SLIT2: variants seen among roughly 807,000 people sequenced by gnomAD.
The protein encoded by SLIT2 is slit homolog 2 protein.
Under a neutral mutation model 185.7 loss-of-function variants are expected in SLIT2, and 41 were observed. The observed-to-expected ratio is 0.22, with a 90% CI of 0.17 to 0.29. The LOEUF (loss-of-function observed/expected upper bound fraction) is 0.29. Ranked by LOEUF, SLIT2 falls within the 10% of genes least tolerant of loss-of-function variation. The probability of loss-of-function intolerance (pLI) is 1.00; values close to 1 mark genes in which losing one functional copy is unlikely to be tolerated. For missense variants in SLIT2, 1,571 were observed against 1,909.0 expected (o/e 0.82, Z 3.30); for synonymous variants, 693 against 680.2 (o/e 1.02, Z -0.29).
At chr4:20,425,990 G>T (rs1728531610) in intron 4 of SLIT2, among the ~76,000 whole-genome samples, 1 of 152,152 alleles carries the variant, frequency 6.6e-6, no homozygotes, top group Admixed American at 6.5e-5. Flanking sequence ...TGTCACCTTA[G>T]GAGCTTCTCT....
chr4:20,385,059 C>G lies in SLIT2; in HGVS notation c.396-82693C>G, dbSNP rs76365343. ...TGACGATCTCTTCTTGGGTATCTTA[C>G]AGTCTTAACTCACTGAGACTAGATT... On this transcript the variant is annotated intron_variant, in intron 4 of 36. Transcript: ENST00000504154. 9.3e-4 allele frequency among the ~76,000 whole-genome samples: 141 copies of G among 152,226 alleles called. 1 individual carries two copies. Among genetic ancestry groups the G allele is most frequent in the African/African-American group, 3.2e-3 (131 of 41,544 alleles).
At chr4:20,283,186 G>T (rs142279605) in intron 4 of SLIT2, among the ~76,000 whole-genome samples, 1 of 151,686 alleles carries the variant, frequency 6.6e-6, no homozygotes, top group African/African-American at 2.4e-5. Context: ...ACATTTTATA[G>T]CTTAACTGTC....
At chr4:20,304,042 T>C (rs559514431) in intron 4 of SLIT2, among the ~76,000 whole-genome samples, 1 of 152,312 alleles carries the variant, frequency 6.6e-6, no homozygotes, top group African/African-American at 2.4e-5. Flanking sequence ...GAAACATAAT[T>C]ACCATTTTGA....
intron 5 of SLIT2, among the ~76,000 whole-genome samples, chr4:20,472,292 A>ATATATCTATATATC (rs1560452881): frequency 0.013 from 397 of 30,862 alleles, 29 homozygotes; most frequent in Non-Finnish European, 0.015. Context: ...ATATAGATAT[A>ATATATCTATATATC]TAGATATATA....
At chr4:20,544,552 T>C (rs1723089096) in intron 21 of SLIT2, among the ~76,000 whole-genome samples, 1 of 152,144 alleles carries the variant, frequency 6.6e-6, no homozygotes, top group South Asian at 2.1e-4. Context: ...CTTATCTGTT[T>C]TGAATTCAAG....
intron 4 of SLIT2, among the ~76,000 whole-genome samples, chr4:20,384,632 A>G (rs563352760): frequency 6.6e-6 from 1 of 152,286 alleles, no homozygotes; most frequent in Admixed American, 6.5e-5. Context: ...TAAATGGATT[A>G]AAGCAAACCA....
chr4:20,362,291 G>A (rs1396749649), intron 4 of SLIT2, among the ~76,000 whole-genome samples: 3 of 152,118 alleles, frequency 2.0e-5, no homozygotes, highest in Non-Finnish European at 4.4e-5. Flanking sequence ...AGCACAGGGT[G>A]GGTGAAGGCA....
rs569303745 is a variant in SLIT2 at position 20,336,917 on chromosome 4, A to C, written c.395+68036A>C. On this transcript the variant is annotated intron_variant, in intron 4 of 36. Coordinates refer to ENST00000504154, the MANE Select transcript of SLIT2 (RefSeq NM_004787.4). ...GTGGGAATTCCACATGATTTTCTAA[A>C]CATTTTTAGTGCCTGATAAAATTTT... Among the ~76,000 whole-genome samples, 8 of 152,292 alleles carry C rather than the reference A, an allele frequency of 5.3e-5. 1 individual carries two copies. The highest frequency in any genetic ancestry group is 1.9e-4 in the African/African-American group (8 of 41,576).
chr4:20,396,416 A>G (rs774267040), intron 4 of SLIT2, among the ~76,000 whole-genome samples: 2 of 151,804 alleles, frequency 1.3e-5, no homozygotes, highest in Non-Finnish European at 2.9e-5. Flanking sequence ...CTGAATTGCC[A>G]TGCTGTCTAC....
At position 20,467,776 on chromosome 4, in the gene SLIT2, G is replaced by A. The variant is rs1417438406; in HGVS notation, c.420G>A (p.Gln140=). 1 of 1,598,292 alleles carries A rather than the reference G, an allele frequency of 6.3e-7. No individual in the cohort carries two copies. The change falls in exon 5 of 37, where the codon CAG becomes CAA. Residue 140 remains glutamine, a synonymous_variant. Transcript: ENST00000504154. ...YRLDLSENQI[Q]AIPRKAFRGA... The stretch of plus-strand genomic sequence containing the variant: ...GTGATCTCAGTGAAAACCAAATTCA[G>A]GCAATCCCAAGGAAAGCTTTCCGTG...
At chr4:20,613,669 C>T (rs922625764) in intron 34 of SLIT2, among the ~76,000 whole-genome samples, 1 of 152,000 alleles carries the variant, frequency 6.6e-6, no homozygotes, top group South Asian at 2.1e-4. Flanking sequence ...GGGAGTGTAA[C>T]CCTCATATAC....
chr4:20,472,389 G>GATATCTATATATCTATATATATAT (rs1560453761), intron 5 of SLIT2, among the ~76,000 whole-genome samples: 1 of 9,326 alleles, frequency 1.1e-4, no homozygotes, highest in Non-Finnish European at 1.8e-4. Flanking sequence ...TATATATGTA[G>GATATCTATATATCTATATATATAT]ATATATAGAT....
rs533689993 is a variant in SLIT2 at position 20,418,321 on chromosome 4, G to A, written c.396-49431G>A. ...AGACAAGGATTCAAAATGTATTATA[G>A]CAAATTTATGTGTAGAAAAAAACAC... is the stretch of plus-strand genomic sequence containing the variant. On this transcript the variant is annotated intron_variant, in intron 4 of 36. Coordinates refer to ENST00000504154, the MANE Select transcript of SLIT2 (RefSeq NM_004787.4). Among the ~76,000 whole-genome samples, 80 of 152,214 alleles carry A rather than the reference G, an allele frequency of 5.3e-4. No homozygotes were observed. In the South Asian group the frequency reaches 0.015, roughly 28 times the overall value.
chr4:20,362,327 G>T (rs56058527), intron 4 of SLIT2, among the ~76,000 whole-genome samples: 11,479 of 152,190 alleles, frequency 0.075, 590 homozygotes, highest in South Asian at 0.17. Context: ...TAACAGGAAC[G>T]CAGAGCAGCA....
Position 20,525,164 on chromosome 4 carries a change from T to G in SLIT2, c.1454T>G (p.Phe485Cys). ...TTTTATTTAGCTAAAGAACAGTATT[T>G]CATTCCAGGTAGGTTTTGCTCGGTA... is the stretch of plus-strand genomic sequence containing the variant. ...KFRCSAKEQY[F>C]IPGTEDYRSK... is the part of the protein sequence containing the mutation. Residue 485 changes from phenylalanine to cysteine, a missense_variant, in exon 15 of 37, where the codon TTC becomes TGC. Phe to Cys is a radical substitution (Grantham distance 205). Transcript: ENST00000504154. The G allele has an allele frequency of 6.2e-7, 1 of 1,609,242 alleles. No individual in the cohort carries two copies. Among genetic ancestry groups the G allele is most frequent in the Non-Finnish European group, 8.5e-7 (1 of 1,175,780 alleles).
At chr4:20,553,721 C>T (rs1723983216) in intron 25 of SLIT2, 84 bp from the exon 26 acceptor site, 1 of 1,206,786 alleles carries the variant, frequency 8.3e-7, no homozygotes, top group African/African-American at 1.6e-5. Flanking sequence ...TAGGAAATAA[C>T]AATACTTCCA....
intron 4 of SLIT2, chr4:20,394,486 A>G (rs1380313740): frequency 5.9e-5 from 9 of 151,916 alleles, no homozygotes; most frequent in East Asian, 1.9e-4. Context: ...CAAGCCACCT[A>G]CTAATCTTGT....
chr4:20,572,599 T>G (rs939990354), intron 29 of SLIT2, among the ~76,000 whole-genome samples: 1 of 152,168 alleles, frequency 6.6e-6, no homozygotes, highest in Admixed American at 6.5e-5. Flanking sequence ...CACCCCTGTT[T>G]TTTTAAAAAA....
chr4:20,555,092 T>C (rs1180769504), intron 26 of SLIT2, among the ~76,000 whole-genome samples: 1 of 152,012 alleles, frequency 6.6e-6, no homozygotes, highest in Non-Finnish European at 1.5e-5. Flanking sequence ...TTTAAGAAGG[T>C]CACTCATCAT....
Sources: allele counts gnomAD v4.1 joint callset (sites outside exome capture counted in the v4.1 genomes callset), GRCh38; gene constraint gnomAD v4.1.1; transcripts MANE v1.5; gene names NCBI Gene and HGNC (gene_info 2026-07-23, HGNC 2026-07-21).